KCNJ6: variants seen among roughly 807,000 people sequenced by gnomAD.
The protein encoded by KCNJ6 is G protein-activated inward rectifier potassium channel 2.
KCNJ6 carries 9 observed loss-of-function variants against 34.2 expected under a neutral mutation model. The ratio of observed to expected loss-of-function variants is 0.26; its 90% CI spans 0.16 to 0.46. KCNJ6 has a LOEUF of 0.46. Ranked by LOEUF, KCNJ6 falls within the 20% of genes least tolerant of loss-of-function variation. The pLI, the probability that KCNJ6 is intolerant of heterozygous loss-of-function variation, is 1.00. For synonymous variants in KCNJ6, 196 were observed against 207.1 expected (o/e 0.95, Z 0.46); for missense variants, 236 against 531.3 (o/e 0.44, Z 5.46).
At chr21:37,770,810 A>G (rs1189049979) in intron 2 of KCNJ6, among the ~76,000 whole-genome samples, 1 of 152,172 alleles carries the variant, frequency 6.6e-6, no homozygotes, top group Non-Finnish European at 1.5e-5. Flanking sequence ...TTGAGGGGAT[A>G]TATTTGTATA....
intron 3 of KCNJ6, among the ~76,000 whole-genome samples, chr21:37,686,792 C>T (rs1309520364): frequency 2.6e-5 from 4 of 151,888 alleles, no homozygotes; most frequent in Non-Finnish European, 4.4e-5. Context: ...AATCGGGACA[C>T]GGGTGGAGAC....
intron 2 of KCNJ6, among the ~76,000 whole-genome samples, chr21:37,817,232 G>A (rs151326119): frequency 0.024 from 3,640 of 152,304 alleles, 81 homozygotes; most frequent in Non-Finnish European, 0.036. Flanking sequence ...AACTGGGTTT[G>A]CAGCCAGGTG....
rs2054292900 is a variant in KCNJ6 at position 37,622,464 on chromosome 21, A to C, written c.*2695T>G. The C allele has an allele frequency of 6.6e-6, 1 of 152,192 alleles. No homozygotes were observed. The highest frequency in any genetic ancestry group is 1.9e-4 in the East Asian group (1 of 5,196). 9.4% of individuals were successfully genotyped at this position (152,192 alleles called of 1,614,324 possible). ...AATTTTAACAGTTGACACAAAATAC[A>C]CTGTTAAACTGTGTTAACAACTGTA... is the stretch of plus-strand genomic sequence containing the variant. On this transcript the variant is annotated 3_prime_UTR_variant, in exon 4 of 4. Coordinates refer to ENST00000609713, the MANE Select transcript of KCNJ6 (RefSeq NM_002240.5).
chr21:37,693,980 T>C (rs368296635), intron 3 of KCNJ6, among the ~76,000 whole-genome samples: 19 of 152,346 alleles, frequency 1.2e-4, no homozygotes, highest in African/African-American at 3.8e-4. Context: ...CTTCTTTACA[T>C]TGATTATCTA....
chr21:37,761,599 TTG>T (rs200774860), intron 2 of KCNJ6, among the ~76,000 whole-genome samples: 4 of 149,268 alleles, frequency 2.7e-5, no homozygotes, highest in African/African-American at 9.9e-5. Flanking sequence ...TTTGTGTGTG[TTG>T]TGTGTATGTA....
intron 2 of KCNJ6, among the ~76,000 whole-genome samples, chr21:37,804,027 T>TA (rs2055281990): frequency 6.6e-6 from 1 of 152,002 alleles, no homozygotes; most frequent in Non-Finnish European, 1.5e-5. Flanking sequence ...TGCCCCCAGT[T>TA]AAAAAAATGG....
At chr21:37,676,579 A>G (rs1389030240) in intron 3 of KCNJ6, among the ~76,000 whole-genome samples, 1 of 152,192 alleles carries the variant, frequency 6.6e-6, no homozygotes, top group Non-Finnish European at 1.5e-5. Flanking sequence ...AACTCCATCC[A>G]CTTCTGGCTG....
At chr21:37,728,534 C>A (rs981904154) in intron 2 of KCNJ6, among the ~76,000 whole-genome samples, 1 of 152,154 alleles carries the variant, frequency 6.6e-6, no homozygotes, top group Non-Finnish European at 1.5e-5. Context: ...CTTGTGACTG[C>A]ATTCTTGTCT....
At chr21:37,754,707 T>C (rs926824501) in intron 2 of KCNJ6, among the ~76,000 whole-genome samples, 1 of 152,170 alleles carries the variant, frequency 6.6e-6, no homozygotes, top group African/African-American at 2.4e-5. Flanking sequence ...AGAGGTAATA[T>C]GTTGCTGTTG....
At chr21:37,847,930 G>C (rs909843412) in intron 1 of KCNJ6, among the ~76,000 whole-genome samples, 1 of 152,180 alleles carries the variant, frequency 6.6e-6, no homozygotes, top group Non-Finnish European at 1.5e-5. Context: ...AGAGGGGAGG[G>C]CAAGGAAGAA....
chr21:37,676,914 C>T lies in KCNJ6; in HGVS notation c.946+37297G>A, dbSNP rs77475171. Reference sequence around the variant, plus strand: ...CAGGCACTGGTGGAGATTTCTAGTGCCAATAGCTCTATGTCCCCTTCCCCA... The same window carrying T: ...CAGGCACTGGTGGAGATTTCTAGTGTCAATAGCTCTATGTCCCCTTCCCCA... On this transcript the variant is annotated intron_variant, in intron 3 of 3. Coordinates refer to ENST00000609713, the MANE Select transcript of KCNJ6 (RefSeq NM_002240.5). Among the ~76,000 whole-genome samples the T allele has an allele frequency of 2.3e-3, 345 of 152,292 alleles. 1 individual carries two copies. Among genetic ancestry groups the T allele is most frequent in the Non-Finnish European group, 3.9e-3 (263 of 68,024 alleles).
Position 37,873,194 on chromosome 21 carries a change from C to A in KCNJ6, c.-27-32485G>T, listed in dbSNP as rs138392085. On this transcript the variant is annotated intron_variant, in intron 1 of 3. Transcript: ENST00000609713. ...CTCACCCAGCACAACATCACCATCC[C>A]AGCCATGCATGCGCTGCAGTCGTTT... Among the ~76,000 whole-genome samples, 1,407 of 152,308 alleles carry A rather than the reference C, an allele frequency of 9.2e-3. 19 individuals carry two copies. Among genetic ancestry groups the A allele is most frequent in the Non-Finnish European group, 0.014 (939 of 68,032 alleles).
rs1170791029 is a variant in KCNJ6, at chr21:37,615,821, ATC to A, written c.*9336_*9337del. 6.6e-6 allele frequency: 1 copy of A among 152,232 alleles called. No individual in the cohort carries two copies. The highest frequency in any genetic ancestry group is 1.9e-4 in the East Asian group (1 of 5,208). The allele number at this position is 152,232 out of a possible 1,614,324, so 9.4% of individuals were successfully genotyped here. On this transcript the variant is annotated 3_prime_UTR_variant, in exon 4 of 4. Transcript: ENST00000609713. ...TTAAGAAAATGGCAACTCTTTGGAC[ATC>A]TGTTACATGGGATAATACAAAAATA...
At chr21:37,710,369 A>T (rs141889486) in intron 3 of KCNJ6, among the ~76,000 whole-genome samples, 1 of 152,336 alleles carries the variant, frequency 6.6e-6, no homozygotes, top group East Asian at 1.9e-4. Context: ...TGGGCAGCCA[A>T]TGAGTGGGGA....
chr21:37,783,640 T>C (rs1205114677), intron 2 of KCNJ6, among the ~76,000 whole-genome samples: 3 of 152,212 alleles, frequency 2.0e-5, no homozygotes, highest in African/African-American at 7.2e-5. Context: ...CCTGGAATTC[T>C]GTAATCTCTT....
At chr21:37,723,167 T>C (rs2054835598) in intron 2 of KCNJ6, among the ~76,000 whole-genome samples, 1 of 152,096 alleles carries the variant, frequency 6.6e-6, no homozygotes, top group Non-Finnish European at 1.5e-5. Context: ...AACAAACATA[T>C]GAAAAAATGT....
intron 2 of KCNJ6, among the ~76,000 whole-genome samples, chr21:37,785,117 G>A (rs1388615301): frequency 6.6e-6 from 1 of 152,196 alleles, no homozygotes; most frequent in Non-Finnish European, 1.5e-5. Context: ...GGATTCACTT[G>A]TGAACAATGT....
chr21:37,657,050 G>T (rs143936372), intron 3 of KCNJ6, among the ~76,000 whole-genome samples: 1 of 152,168 alleles, frequency 6.6e-6, no homozygotes, highest in East Asian at 1.9e-4. Flanking sequence ...AGGGGACAGG[G>T]TGTCCTGCCC....
At chr21:37,752,686 G>A (rs2055002256) in intron 2 of KCNJ6, among the ~76,000 whole-genome samples, 1 of 152,158 alleles carries the variant, frequency 6.6e-6, no homozygotes, top group Non-Finnish European at 1.5e-5. Flanking sequence ...ATCCTGGCTA[G>A]GCGGCCCCAG....
Sources: gnomAD v4.1 joint callset for allele counts (sites outside exome capture counted in the v4.1 genomes callset) on GRCh38, gnomAD v4.1.1 for gene constraint, MANE v1.5 for transcripts, NCBI Gene and HGNC (gene_info 2026-07-23, HGNC 2026-07-21) for gene names.